The following EYA2 variants were observed in gnomAD, a reference collection of about 807,000 sequenced individuals.
The protein encoded by EYA2 is protein phosphatase EYA2.
Under a neutral mutation model 69.2 loss-of-function variants are expected in EYA2, and 31 were observed. The observed-to-expected ratio is 0.45, with a 90% confidence interval of 0.34 to 0.60. EYA2 has a LOEUF of 0.60. Ranked by LOEUF, EYA2 falls within the 20% of genes least tolerant of loss-of-function variation. The pLI, the probability that EYA2 is intolerant of heterozygous loss-of-function variation, is 0.02. For missense variants in EYA2, 622 were observed against 701.2 expected (o/e 0.89, Z 1.28); for synonymous variants, 257 against 279.4 (o/e 0.92, Z 0.80).
chr20:46,945,205 G>A (rs1978384713), intron 1 of EYA2, among the ~76,000 whole-genome samples: 1 of 152,190 alleles, frequency 6.6e-6, no homozygotes, highest in Admixed American at 6.5e-5. Context: ...TTCCTCATCT[G>A]TAAAATGGGG....
intron 5 of EYA2, among the ~76,000 whole-genome samples, chr20:47,036,874 T>G (rs1249620422): frequency 6.6e-6 from 1 of 152,226 alleles, no homozygotes; most frequent in African/African-American, 2.4e-5. Context: ...CAAGGGGCTT[T>G]GTTTTTCTGG....
At chr20:47,135,841 ACAAAC>A (rs1157662273) in intron 9 of EYA2, among the ~76,000 whole-genome samples, 1,772 of 81,926 alleles carry the variant, frequency 0.022, 218 homozygotes, top group African/African-American at 0.084. Context: ...AAAAAAAAAA[ACAAAC>A]AAACAAACAA....
chr20:47,082,964 A>T (rs575283893), intron 7 of EYA2, among the ~76,000 whole-genome samples: 1 of 151,914 alleles, frequency 6.6e-6, no homozygotes, highest in African/African-American at 2.4e-5. Flanking sequence ...GAGGCCGAAG[A>T]GGGAGGATCA....
At chr20:47,062,340 C>A (rs16992271) in intron 5 of EYA2, among the ~76,000 whole-genome samples, 1 of 152,160 alleles carries the variant, frequency 6.6e-6, no homozygotes, top group Non-Finnish European at 1.5e-5. Context: ...AAAATGGGAT[C>A]TGGAGTTGAA....
intron 9 of EYA2, among the ~76,000 whole-genome samples, chr20:47,136,192 C>A (rs1245700804): frequency 6.6e-6 from 1 of 152,110 alleles, no homozygotes; most frequent in Non-Finnish European, 1.5e-5. Flanking sequence ...TACAATACGG[C>A]ATAAATTGGA....
chr20:46,925,852 T>C (rs1985390253), intron 1 of EYA2, among the ~76,000 whole-genome samples: 1 of 152,248 alleles, frequency 6.6e-6, no homozygotes, highest in South Asian at 2.1e-4. Flanking sequence ...GTAGCACTTG[T>C]AACTCAGTGT....
At chr20:47,008,014 G>A (rs1982826728) in intron 4 of EYA2, among the ~76,000 whole-genome samples, 1 of 152,152 alleles carries the variant, frequency 6.6e-6, no homozygotes, top group Non-Finnish European at 1.5e-5. Flanking sequence ...TTGGGAGACG[G>A]ATGAAGCCTG....
intron 1 of EYA2, among the ~76,000 whole-genome samples, chr20:46,924,669 C>CAAAAAAAAAAAAAAA (rs10568771): frequency 2.3e-5 from 2 of 88,372 alleles, no homozygotes; most frequent in African/African-American, 5.8e-5. Context: ...GACTCCATCT[C>CAAAAAAAAAAAAAAA]AAAAAAAAAA....
At chr20:46,929,464 A>G (rs1985569194) in intron 1 of EYA2, among the ~76,000 whole-genome samples, 1 of 151,788 alleles carries the variant, frequency 6.6e-6, no homozygotes, top group South Asian at 2.1e-4. Flanking sequence ...AACTAGGGCC[A>G]TATGATAAAA....
At chr20:46,907,835 AAAAC>A (rs60032049) in intron 1 of EYA2, among the ~76,000 whole-genome samples, 37,634 of 150,332 alleles carry the variant, frequency 0.25, 5,980 homozygotes, top group Non-Finnish European at 0.35. Context: ...ACTCCATCTG[AAAAC>A]AAACAAACAA....
intron 1 of EYA2, among the ~76,000 whole-genome samples, chr20:46,958,733 C>T (rs1005920036): frequency 6.6e-6 from 1 of 152,196 alleles, no homozygotes; most frequent in African/African-American, 2.4e-5. Flanking sequence ...TGCTGTCCCC[C>T]TCTGTGTGTC....
intron 2 of EYA2, among the ~76,000 whole-genome samples, chr20:46,991,252 C>T (rs746864922): frequency 2.0e-4 from 31 of 152,338 alleles, no homozygotes; most frequent in African/African-American, 5.1e-4. Flanking sequence ...TTTGAGAGCC[C>T]GTAGTAACAG....
intron 8 of EYA2, chr20:47,096,224 A>G (rs2032242915): frequency 6.6e-6 from 1 of 152,242 alleles, no homozygotes; most frequent in African/African-American, 2.4e-5. Flanking sequence ...CATTGGACAC[A>G]TAGAGAAGAC....
At chr20:47,095,447 G>A (rs1206065313) in intron 8 of EYA2, among the ~76,000 whole-genome samples, 2 of 152,080 alleles carry the variant, frequency 1.3e-5, no homozygotes, top group Non-Finnish European at 2.9e-5. Context: ...AAAATTTTCA[G>A]ATCTGTAGAA....
chr20:47,009,374 T>C (rs1982923394), intron 4 of EYA2, among the ~76,000 whole-genome samples: 1 of 152,254 alleles, frequency 6.6e-6, no homozygotes, highest in African/African-American at 2.4e-5. Context: ...TAGTGCTATT[T>C]ACTTTGTTTA....
chr20:46,978,241 C>G (rs770017330), intron 1 of EYA2: 3 of 227,734 alleles, frequency 1.3e-5, no homozygotes, highest in Non-Finnish European at 2.7e-5. Flanking sequence ...AGGGTCAGTC[C>G]CAGCCAAGCC....
At position 47,037,390 on chromosome 20, in the gene EYA2, C is replaced by T. The variant is rs376173517; in HGVS notation, c.415+21093C>T. On this transcript the variant is annotated intron_variant, in intron 5 of 15. Transcript: ENST00000327619. The stretch of plus-strand genomic sequence containing the variant: ...CATGCAACACTGAGAATAGACATGG[C>T]GCAAAAGAAGCACTCCGTGTTCATT... Among the ~76,000 whole-genome samples the T allele has an allele frequency of 5.3e-5, 8 of 152,274 alleles. No individual in the cohort carries two copies. In the South Asian group the frequency reaches 6.2e-4, roughly 12 times the overall value.
At chr20:47,016,152 TC>T in intron 4 of EYA2, 28 bp from the exon 5 acceptor site, 1 of 1,526,690 alleles carries the variant, frequency 6.6e-7, no homozygotes, top group Non-Finnish European at 9.1e-7. Context: ...GTGTCCTTGG[TC>T]CTTTTTTTTC....
chr20:46,895,965 G>T (rs1983790483), intron 1 of EYA2, among the ~76,000 whole-genome samples: 1 of 152,158 alleles, frequency 6.6e-6, no homozygotes, highest in East Asian at 1.9e-4. Context: ...TAAAAAGCAA[G>T]ACCGATGCTG....
Sources: allele counts gnomAD v4.1 joint callset (sites outside exome capture counted in the v4.1 genomes callset), GRCh38; gene constraint gnomAD v4.1.1; transcripts MANE v1.5; gene names NCBI Gene and HGNC (gene_info 2026-07-23, HGNC 2026-07-21).